TMEM132B: variants seen among roughly 807,000 people sequenced by gnomAD.
TMEM132B encodes the protein transmembrane protein 132B.
TMEM132B carries 18 observed loss-of-function variants against 90.8 expected under a neutral mutation model. The observed-to-expected ratio is 0.20, with a 90% CI of 0.14 to 0.29. TMEM132B has a LOEUF of 0.29. Ranked by LOEUF, TMEM132B falls within the 10% of genes least tolerant of loss-of-function variation. The pLI is 1.00. For missense variants in TMEM132B, 1,096 were observed against 1,326.8 expected (o/e 0.83, Z 2.70); for synonymous variants, 504 against 523.3 (o/e 0.96, Z 0.50).
chr12:125,471,410 C>T (rs1014924528), intron 3 of TMEM132B, among the ~76,000 whole-genome samples: 5 of 152,194 alleles, frequency 3.3e-5, no homozygotes, highest in African/African-American at 1.2e-4. Flanking sequence ...CAGTTCAGGG[C>T]CATAGCATGT....
chr12:125,448,333 A>G (rs1881060333), intron 3 of TMEM132B, among the ~76,000 whole-genome samples: 1 of 152,166 alleles, frequency 6.6e-6, no homozygotes, highest in Non-Finnish European at 1.5e-5. Context: ...GAATAGTGCC[A>G]TACTGTCTGA....
At chr12:125,592,107 TC>T (rs939302768) in intron 5 of TMEM132B, among the ~76,000 whole-genome samples, 1 of 152,194 alleles carries the variant, frequency 6.6e-6, no homozygotes, top group Non-Finnish European at 1.5e-5. Flanking sequence ...CTTTGCTGAG[TC>T]TTTTTTAAGA....
chr12:125,190,522 TG>T (rs150469442), intron 1 of TMEM132B, among the ~76,000 whole-genome samples: 6 of 73,994 alleles, frequency 8.1e-5, no homozygotes, highest in Admixed American at 1.5e-4. Flanking sequence ...GTGATGGTGA[TG>T]GGGAAGGGGT....
intron 3 of TMEM132B, among the ~76,000 whole-genome samples, chr12:125,515,663 ATT>A (rs914542268): frequency 6.6e-6 from 1 of 150,762 alleles, no homozygotes; most frequent in African/African-American, 2.5e-5. Flanking sequence ...CCCTTCACAC[ATT>A]CTTTCTCACA....
chr12:125,568,951 C>T (rs1006073671), intron 4 of TMEM132B, among the ~76,000 whole-genome samples: 2 of 152,146 alleles, frequency 1.3e-5, no homozygotes, highest in Non-Finnish European at 2.9e-5. Context: ...CAGTGTGATT[C>T]CCACCCAGTT....
At chr12:125,238,647 A>G (rs1252318617) in intron 1 of TMEM132B, among the ~76,000 whole-genome samples, 4 of 152,256 alleles carry the variant, frequency 2.6e-5, no homozygotes, top group African/African-American at 9.6e-5. Context: ...AGGCCAGAGA[A>G]ATGCACGGAA....
At chr12:125,322,213 A>G (rs1394496535) in intron 1 of TMEM132B, among the ~76,000 whole-genome samples, 1 of 152,144 alleles carries the variant, frequency 6.6e-6, no homozygotes, top group Non-Finnish European at 1.5e-5. Flanking sequence ...CAGTGAATAA[A>G]TCTCACAAGA....
intron 2 of TMEM132B, among the ~76,000 whole-genome samples, chr12:125,375,264 T>C (rs1415835870): frequency 6.6e-6 from 1 of 152,200 alleles, no homozygotes; most frequent in African/African-American, 2.4e-5. Context: ...GTGGATGGAC[T>C]CATTTGAATA....
Position 125,406,697 on chromosome 12 carries a change from G to C in TMEM132B, c.960-8834G>C, listed in dbSNP as rs2136331070. ...CCCCCGCCCATGGCAGACAGTGAAA[G>C]ACTTGACCCACCCACTGGAAAGCTG... On this transcript the variant is annotated intron_variant, in intron 2 of 8. Coordinates refer to ENST00000682704, the MANE Select transcript of TMEM132B (RefSeq NM_001366854.1). The surrounding 1 kb of genome is among the most constrained non-coding windows in gnomAD (Gnocchi z 8.3). Among the ~76,000 whole-genome samples, 1 of 152,266 alleles carries C rather than the reference G, an allele frequency of 6.6e-6. No homozygotes were observed. The highest frequency in any genetic ancestry group is 6.5e-5 in the Admixed American group (1 of 15,294).
chr12:125,316,171 C>T (rs1876266071), intron 1 of TMEM132B, among the ~76,000 whole-genome samples: 1 of 152,218 alleles, frequency 6.6e-6, no homozygotes, highest in Non-Finnish European at 1.5e-5. Flanking sequence ...TACACAGATC[C>T]ATATCTGCCT....
chr12:125,571,476 A>G (rs1161859103), intron 4 of TMEM132B, among the ~76,000 whole-genome samples: 1 of 152,224 alleles, frequency 6.6e-6, no homozygotes, highest in Non-Finnish European at 1.5e-5. Context: ...TTAACAAATA[A>G]TGCATGTAAA....
chr12:125,580,503 C>G (rs549877475), intron 4 of TMEM132B, among the ~76,000 whole-genome samples: 1 of 152,212 alleles, frequency 6.6e-6, no homozygotes, highest in Admixed American at 6.5e-5. Flanking sequence ...CTGACCTGAC[C>G]CCTCCAGTGG....
At chr12:125,623,415 T>C (rs2136974975) in intron 5 of TMEM132B, among the ~76,000 whole-genome samples, 1 of 152,230 alleles carries the variant, frequency 6.6e-6, no homozygotes. Flanking sequence ...TGGACAGGGC[T>C]TTTTCTCCTT....
chr12:125,402,175 A>ACTAT (rs369737347), intron 2 of TMEM132B, among the ~76,000 whole-genome samples: 3,108 of 152,182 alleles, frequency 0.02, 107 homozygotes, highest in South Asian at 0.066. Context: ...TTGTTTACTT[A>ACTAT]CTATCTATCT....
intron 2 of TMEM132B, among the ~76,000 whole-genome samples, chr12:125,382,262 T>C (rs1878709122): frequency 6.6e-6 from 1 of 152,234 alleles, no homozygotes; most frequent in African/African-American, 2.4e-5. Flanking sequence ...ATGGTTCTTC[T>C]TTTCTTCGAA....
At chr12:125,314,550 G>T (rs1876210470) in intron 1 of TMEM132B, among the ~76,000 whole-genome samples, 2 of 152,158 alleles carry the variant, frequency 1.3e-5, no homozygotes, top group African/African-American at 4.8e-5. Flanking sequence ...GCTCAGAGGG[G>T]CTCAGCTACT....
chr12:125,401,285 G>A (rs1879313820), intron 2 of TMEM132B, among the ~76,000 whole-genome samples: 2 of 152,172 alleles, frequency 1.3e-5, no homozygotes, highest in South Asian at 4.1e-4. Flanking sequence ...GATAATGCAG[G>A]AAACAGAAAC....
intron 3 of TMEM132B, among the ~76,000 whole-genome samples, chr12:125,456,221 C>G (rs1324105825): frequency 1.3e-5 from 2 of 152,168 alleles, no homozygotes; most frequent in Non-Finnish European, 2.9e-5. Context: ...TACCACAGCA[C>G]CCCCGAGCCT....
intron 5 of TMEM132B, among the ~76,000 whole-genome samples, chr12:125,617,740 T>G (rs1886025149): frequency 6.6e-6 from 1 of 152,140 alleles, no homozygotes; most frequent in Admixed American, 6.5e-5. Context: ...CTTATCCCTC[T>G]ATTGTTTCTA....
Sources: allele counts gnomAD v4.1 joint callset (sites outside exome capture counted in the v4.1 genomes callset), GRCh38; gene constraint gnomAD v4.1.1; non-coding constraint Gnocchi (gnomAD v3.1); transcripts MANE v1.5; gene names NCBI Gene and HGNC (gene_info 2026-07-23, HGNC 2026-07-21).